TCF12: variants seen among roughly 807,000 people sequenced by gnomAD.
The protein encoded by TCF12 is DNA-binding protein HTF4.
TCF12 carries 45 observed loss-of-function variants against 86.0 expected under a neutral mutation model. That is an observed-to-expected ratio of 0.52 (90% CI 0.41 to 0.67). The LOEUF (loss-of-function observed/expected upper bound fraction) is 0.67, where lower values mean the gene tolerates loss of function less well. Ranked by LOEUF, TCF12 falls within the 30% of genes least tolerant of loss-of-function variation. The pLI is 0.00. For missense variants in TCF12, 881 were observed against 859.9 expected (o/e 1.02, Z -0.31); for synonymous variants, 330 against 299.6 (o/e 1.10, Z -1.05).
At chr15:57,181,469 C>T (rs747188285) in intron 6 of TCF12, among the ~76,000 whole-genome samples, 11 of 151,920 alleles carry the variant, frequency 7.2e-5, no homozygotes, top group Non-Finnish European at 1.3e-4. Flanking sequence ...CTGAGCAGCA[C>T]CATTTTACAT....
chr15:57,233,132 A>G (rs1320976200), intron 11 of TCF12, among the ~76,000 whole-genome samples: 1 of 150,124 alleles, frequency 6.7e-6, no homozygotes, highest in African/African-American at 2.4e-5. Context: ...ATATATGTAT[A>G]TATGTATATA....
intron 3 of TCF12, among the ~76,000 whole-genome samples, chr15:57,029,804 C>G (rs1164423115): frequency 1.6e-5 from 2 of 121,230 alleles, no homozygotes; most frequent in Non-Finnish European, 3.6e-5. Flanking sequence ...TTGTTGGAGA[C>G]TGCGTATAAA....
chr15:57,172,198 A>C (rs1214452833), intron 6 of TCF12, among the ~76,000 whole-genome samples: 2 of 152,204 alleles, frequency 1.3e-5, no homozygotes, highest in Non-Finnish European at 2.9e-5. Context: ...CATAACAATG[A>C]CAGATGTGTA....
intron 3 of TCF12, among the ~76,000 whole-genome samples, chr15:56,999,615 T>G (rs2063906175): frequency 6.6e-6 from 1 of 152,148 alleles, no homozygotes; most frequent in Non-Finnish European, 1.5e-5. Context: ...GGTTCATGCC[T>G]GTAATCCCAG....
At chr15:57,036,288 G>T (rs993430795) in intron 3 of TCF12, among the ~76,000 whole-genome samples, 3 of 152,112 alleles carry the variant, frequency 2.0e-5, no homozygotes, top group Non-Finnish European at 4.4e-5. Flanking sequence ...GAAGTCATAG[G>T]AATGGAATAA....
In TCF12 at chr15:56,940,628, T is replaced by C. The variant is rs182575511; in HGVS notation, c.148+19530T>C. Among the ~76,000 whole-genome samples, 13 of 141,298 alleles carry C rather than the reference T, an allele frequency of 9.2e-5. No homozygotes were observed. The East Asian group carries it at 2.7e-3, about 29-fold the overall frequency. 92.7% of individuals were successfully genotyped at this position (141,298 alleles called of 152,430 possible). On this transcript the variant is annotated intron_variant, in intron 3 of 20. Coordinates refer to ENST00000333725, the MANE Select transcript of TCF12 (RefSeq NM_207037.2). ...TCCTCCTTCTTCTCCCTCTCCTCCTTCTCCCTCTCCTTCTCCTTCTCCCTC... is the reference window on the plus strand; with the variant it reads ...TCCTCCTTCTTCTCCCTCTCCTCCTCCTCCCTCTCCTTCTCCTTCTCCCTC...
chr15:57,206,603 T>C (rs2057824873), intron 8 of TCF12, among the ~76,000 whole-genome samples: 1 of 140,770 alleles, frequency 7.1e-6, no homozygotes, highest in Non-Finnish European at 1.5e-5. Context: ...TTTTTTTTTT[T>C]TTCTGAGACA....
chr15:57,170,673 ATAATAT>A (rs2055294894), intron 6 of TCF12, among the ~76,000 whole-genome samples: 1 of 5,858 alleles, frequency 1.7e-4, no homozygotes, highest in South Asian at 4.4e-3. Flanking sequence ...ATATATATAT[ATAATAT>A]ATTATATATA....
In TCF12 at chr15:57,262,091, T is replaced by C. The variant is rs770831146; in HGVS notation, c.1468-3T>C. On this transcript the variant is annotated splice_region_variant and splice_polypyrimidine_tract_variant and intron_variant, in intron 16 of 20. Transcript: ENST00000333725. Reference sequence around the variant, plus strand: ...TTTATTTTTGGGTTTTCCTTAACTTTAGGTTGGAACTCATCGGGAAGACTC... The same window carrying C: ...TTTATTTTTGGGTTTTCCTTAACTTCAGGTTGGAACTCATCGGGAAGACTC... The C allele has an allele frequency of 3.1e-6, 5 of 1,599,430 alleles. No individual in the cohort carries two copies. In the African/African-American group the frequency reaches 6.7e-5, roughly 22 times the overall value.
intron 4 of TCF12, among the ~76,000 whole-genome samples, 191 bp downstream of exon 4, chr15:57,064,014 C>T (rs1486606703): frequency 6.6e-6 from 1 of 152,176 alleles, no homozygotes; most frequent in African/African-American, 2.4e-5. Context: ...TAATTTCCTA[C>T]AGTTAAATAT....
chr15:57,100,902 TGTC>T (rs1425104397), intron 5 of TCF12, among the ~76,000 whole-genome samples: 2 of 152,312 alleles, frequency 1.3e-5, no homozygotes, highest in Middle Eastern at 3.4e-3. Flanking sequence ...GTATTACTAT[TGTC>T]TGAAGGTTTC....
At chr15:57,080,114 C>T (rs2070496254) in intron 4 of TCF12, among the ~76,000 whole-genome samples, 1 of 152,134 alleles carries the variant, frequency 6.6e-6, no homozygotes, top group Non-Finnish European at 1.5e-5. Context: ...GTAAGCTGCT[C>T]ATTGAAAATA....
rs577876906 is a variant in TCF12 at position 56,956,756 on chromosome 15, T to G, written c.148+35658T>G. Among the ~76,000 whole-genome samples, 3 of 152,204 alleles carry G rather than the reference T, an allele frequency of 2.0e-5. No individual in the cohort carries two copies. The South Asian group carries it at 6.2e-4, about 31-fold the overall frequency. On this transcript the variant is annotated intron_variant, in intron 3 of 20. Transcript: ENST00000333725. ...GAGAAATCTAATGATAGTCTTATCTTTATTCCTCTATATAAAGTGTCTTTT... is the reference window on the plus strand; with the variant it reads ...GAGAAATCTAATGATAGTCTTATCTGTATTCCTCTATATAAAGTGTCTTTT...
intron 12 of TCF12, 53 bp from the exon 13 acceptor site, chr15:57,243,419 G>C: frequency 6.9e-7 from 1 of 1,439,042 alleles, no homozygotes; most frequent in East Asian, 2.3e-5. Context: ...ACGGATTTGT[G>C]TATGTGCTGT....
intron 3 of TCF12, among the ~76,000 whole-genome samples, chr15:56,986,929 T>C (rs571713448): frequency 6.6e-6 from 1 of 152,370 alleles, no homozygotes; most frequent in South Asian, 2.1e-4. Flanking sequence ...TAGTGTTTTC[T>C]GTTAAGGAAC....
chr15:57,179,381 G>A lies in TCF12; in HGVS notation c.391-12777G>A, dbSNP rs939496079. ...TGTGCACCTGTAGTCCCAGCTACTC[G>A]GGAGGCTGAGACAGGAGAATTGCTT... On this transcript the variant is annotated intron_variant, in intron 6 of 20. Transcript: ENST00000333725. 3.3e-5 allele frequency among the ~76,000 whole-genome samples: 5 copies of A among 152,054 alleles called. No individual in the cohort carries two copies. The South Asian group carries it at 6.2e-4, about 19-fold the overall frequency.
chr15:57,068,493 A>T (rs1306857573), intron 4 of TCF12, among the ~76,000 whole-genome samples: 1 of 152,212 alleles, frequency 6.6e-6, no homozygotes, highest in Non-Finnish European at 1.5e-5. Context: ...AAATAAAATC[A>T]ATTTCCCCTC....
intron 4 of TCF12, among the ~76,000 whole-genome samples, chr15:57,070,590 C>G (rs536001131): frequency 6.6e-6 from 1 of 152,188 alleles, no homozygotes; most frequent in African/African-American, 2.4e-5. Context: ...CTTGCAAATC[C>G]TGGACCATTC....
intron 4 of TCF12, among the ~76,000 whole-genome samples, chr15:57,084,058 C>G (rs2048475624): frequency 6.6e-6 from 1 of 152,032 alleles, no homozygotes; most frequent in Non-Finnish European, 1.5e-5. Context: ...GTTCTCTTTT[C>G]TTGCAATTAG....
Sources: allele counts gnomAD v4.1 joint callset (sites outside exome capture counted in the v4.1 genomes callset), GRCh38; gene constraint gnomAD v4.1.1; transcripts MANE v1.5; gene names NCBI Gene and HGNC (gene_info 2026-07-23, HGNC 2026-07-21).